Variants in MCU observed in about 807,000 individuals in gnomAD.
The protein encoded by MCU is mitochondrial calcium uniporter.
Under a neutral mutation model 45.2 loss-of-function variants are expected in MCU, and 12 were observed. That is an observed-to-expected ratio of 0.27 (90% CI 0.17 to 0.43). MCU has a LOEUF of 0.43. Among genes scored for constraint, MCU ranks in the 20% least tolerant of loss-of-function variants. The pLI is 1.00. For synonymous variants in MCU, 160 were observed against 165.1 expected (o/e 0.97, Z 0.24); for missense variants, 324 against 436.7 (o/e 0.74, Z 2.30).
intron 4 of MCU, among the ~76,000 whole-genome samples, chr10:72,862,721 G>C (rs1344420762): frequency 1.3e-5 from 2 of 152,076 alleles, no homozygotes; most frequent in Non-Finnish European, 2.9e-5. Flanking sequence ...AGGGGTGGGG[G>C]ACCACTGCTG....
chr10:72,694,565 G>A (rs890833790), intron 1 of MCU, among the ~76,000 whole-genome samples: 2 of 152,146 alleles, frequency 1.3e-5, no homozygotes, highest in African/African-American at 4.8e-5. Flanking sequence ...CATATATTAG[G>A]TGAATATGGG....
intron 6 of MCU, among the ~76,000 whole-genome samples, chr10:72,882,260 C>T (rs920257448): frequency 1.3e-5 from 2 of 152,066 alleles, no homozygotes; most frequent in Non-Finnish European, 2.9e-5. Context: ...AATTGTAGAG[C>T]ATGTGTGTTT....
At chr10:72,803,706 T>G (rs949818389) in intron 1 of MCU, among the ~76,000 whole-genome samples, 34 of 152,034 alleles carry the variant, frequency 2.2e-4, no homozygotes, top group African/African-American at 8.2e-4. Flanking sequence ...CTATCTTATT[T>G]CATTTTTACC....
At chr10:72,727,397 A>G (rs1843115721) in intron 1 of MCU, among the ~76,000 whole-genome samples, 1 of 152,174 alleles carries the variant, frequency 6.6e-6, no homozygotes, top group South Asian at 2.1e-4. Flanking sequence ...AGCCCAACAT[A>G]CTTTTCCCTA....
intron 1 of MCU, among the ~76,000 whole-genome samples, chr10:72,743,421 A>AG (rs1843364124): frequency 6.6e-6 from 1 of 151,426 alleles, no homozygotes; most frequent in Non-Finnish European, 1.5e-5. Context: ...TCAAAAAAAA[A>AG]AAAAAAAAAA....
intron 4 of MCU, among the ~76,000 whole-genome samples, chr10:72,862,464 G>A (rs1032605720): frequency 2.0e-4 from 30 of 152,142 alleles, no homozygotes; most frequent in African/African-American, 7.0e-4. Context: ...TGGGGGCGGG[G>A]GCAGAGGCAG....
Position 72,753,289 on chromosome 10 carries a change from A to T in MCU, c.150+60988A>T, listed in dbSNP as rs556256630. 3.9e-5 allele frequency among the ~76,000 whole-genome samples: 6 copies of T among 152,366 alleles called. No homozygotes were observed. In the South Asian group the frequency reaches 1.0e-3, roughly 26 times the overall value. Reference sequence around the variant, plus strand: ...TAAAAATTTTAAATGAGTTAATACCAGCAGCAAAAATATTACTTGACATTC... The same window carrying T: ...TAAAAATTTTAAATGAGTTAATACCTGCAGCAAAAATATTACTTGACATTC... On this transcript the variant is annotated intron_variant, in intron 1 of 7. Transcript: ENST00000373053.
At chr10:72,850,322 A>G (rs909940045) in intron 2 of MCU, among the ~76,000 whole-genome samples, 2 of 152,188 alleles carry the variant, frequency 1.3e-5, no homozygotes, top group African/African-American at 4.8e-5. Context: ...TGGGGAGGAA[A>G]TCGACAATGT....
At chr10:72,769,647 TAAA>T (rs941251512) in intron 1 of MCU, among the ~76,000 whole-genome samples, 10 of 152,160 alleles carry the variant, frequency 6.6e-5, no homozygotes, top group African/African-American at 2.4e-4. Context: ...TTCACCCATT[TAAA>T]ATGTAACCCA....
chr10:72,867,794 G>A (rs1441187343), intron 4 of MCU, among the ~76,000 whole-genome samples: 1 of 150,228 alleles, frequency 6.7e-6, no homozygotes, highest in Non-Finnish European at 1.5e-5. Context: ...GGTGGAGCTT[G>A]CAGTGAGCCG....
At chr10:72,770,310 A>T (rs1198425608) in intron 1 of MCU, among the ~76,000 whole-genome samples, 1 of 151,952 alleles carries the variant, frequency 6.6e-6, no homozygotes, top group Non-Finnish European at 1.5e-5. Flanking sequence ...AATTCCTCTA[A>T]TGATTTTTTT....
chr10:72,819,450 T>A lies in MCU; in HGVS notation c.151-14909T>A, dbSNP rs1844676880. 1.3e-5 allele frequency among the ~76,000 whole-genome samples: 2 copies of A among 152,348 alleles called. 1 individual carries two copies. Among genetic ancestry groups the A allele is most frequent in the Middle Eastern group, 6.8e-3 (2 of 294 alleles). On this transcript the variant is annotated intron_variant, in intron 1 of 7. Coordinates refer to ENST00000373053, the MANE Select transcript of MCU (RefSeq NM_138357.3). Reference sequence around the variant, plus strand: ...TCCATAAGTTTGTTTGTTTATTTGTTTATTTTTTATCAGTAAGTTTGGATA... The same window carrying A: ...TCCATAAGTTTGTTTGTTTATTTGTATATTTTTTATCAGTAAGTTTGGATA...
At chr10:72,789,637 A>G (rs1044086034) in intron 1 of MCU, among the ~76,000 whole-genome samples, 4 of 152,158 alleles carry the variant, frequency 2.6e-5, no homozygotes, top group Non-Finnish European at 5.9e-5. Flanking sequence ...AGTTCTGCTC[A>G]CCTCAAATGT....
At chr10:72,866,617 G>A (rs372327962) in intron 4 of MCU, among the ~76,000 whole-genome samples, 4 of 152,202 alleles carry the variant, frequency 2.6e-5, no homozygotes, top group Admixed American at 6.5e-5. Flanking sequence ...AGCTGGTCTC[G>A]AACTCCTGAC....
intron 1 of MCU, among the ~76,000 whole-genome samples, chr10:72,831,692 C>G (rs1307520660): frequency 6.6e-6 from 1 of 151,908 alleles, no homozygotes; most frequent in Non-Finnish European, 1.5e-5. Context: ...TTCGGAGTAC[C>G]CATTGATGAG....
chr10:72,837,999 G>T (rs1230069247), intron 2 of MCU, among the ~76,000 whole-genome samples: 1 of 151,644 alleles, frequency 6.6e-6, no homozygotes, highest in Non-Finnish European at 1.5e-5. Flanking sequence ...TGGGACTACA[G>T]GCGCTCACTA....
At chr10:72,796,398 G>A (rs1844246496) in intron 1 of MCU, among the ~76,000 whole-genome samples, 1 of 152,128 alleles carries the variant, frequency 6.6e-6, no homozygotes, top group Non-Finnish European at 1.5e-5. Flanking sequence ...TTCAGCCTGG[G>A]TACCTGAGTG....
intron 1 of MCU, among the ~76,000 whole-genome samples, chr10:72,834,102 G>T (rs1374562910): frequency 6.6e-6 from 1 of 152,136 alleles, no homozygotes; most frequent in Non-Finnish European, 1.5e-5. Context: ...TTTGTTTAAT[G>T]TAACATGTAT....
At chr10:72,747,943 AAT>A (rs1843437817) in intron 1 of MCU, among the ~76,000 whole-genome samples, 1 of 151,702 alleles carries the variant, frequency 6.6e-6, no homozygotes, top group Admixed American at 6.6e-5. Context: ...TAATTTGAAT[AAT>A]ATATTTTATT....
Sources: allele counts gnomAD v4.1 joint callset (sites outside exome capture counted in the v4.1 genomes callset), GRCh38; gene constraint gnomAD v4.1.1; transcripts MANE v1.5; gene names NCBI Gene and HGNC (gene_info 2026-07-23, HGNC 2026-07-21).